Variants in OSMR observed in about 807,000 individuals in gnomAD.
The protein encoded by OSMR is oncostatin M receptor.
Under a neutral mutation model 99.9 loss-of-function variants are expected in OSMR, and 81 were observed. The observed-to-expected ratio is 0.81, with a 90% CI of 0.68 to 0.97. OSMR has a LOEUF of 0.97. OSMR is among the 50% of genes least tolerant of loss of function. The pLI is 0.00. For synonymous variants in OSMR, 406 were observed against 410.4 expected (o/e 0.99, Z 0.13); for missense variants, 1,099 against 1,153.4 (o/e 0.95, Z 0.68).
Position 38,881,621 on chromosome 5 carries a change from AC to A in OSMR, c.277del (p.Gln93ArgfsTer20), listed in dbSNP as rs1169997874. Reference protein sequence around the residue: ...VGNYSTTVKWNQVLHWSWESE... With the variant: ...VGNYSTTVKWXQVLHWSWESE... ...AATTACAGCACCACTGTGAAGTGGA[AC>A]CAGGTTCTGCATTGGAGCTGGGAAT... On this transcript the variant is annotated frameshift_variant, in exon 4 of 18. Coordinates refer to ENST00000274276, the MANE Select transcript of OSMR (RefSeq NM_003999.3). LOFTEE classifies it high-confidence loss of function. 6.2e-7 allele frequency: 1 copy of A among 1,614,124 alleles called. No individual in the cohort carries two copies.
chr5:38,886,519 G>C (rs188812947), intron 7 of OSMR: 1 of 279,066 alleles, frequency 3.6e-6, no homozygotes, highest in East Asian at 7.8e-5. Context: ...AATTGTGTGC[G>C]TGTGTATTCT....
At chr5:38,916,150 A>G (rs1745883620) in intron 9 of OSMR, among the ~76,000 whole-genome samples, 1 of 152,228 alleles carries the variant, frequency 6.6e-6, no homozygotes, top group Non-Finnish European at 1.5e-5. Context: ...GAAAAGATGT[A>G]CTCATCTTAA....
intron 3 of OSMR, among the ~76,000 whole-genome samples, chr5:38,877,817 T>C (rs1742957041): frequency 6.6e-6 from 1 of 152,220 alleles, no homozygotes; most frequent in African/African-American, 2.4e-5. Flanking sequence ...AAAAATAATA[T>C]TAGCCATACA....
chr5:38,942,761 C>A (rs1747731290), intron 1 of OSMR: 1 of 1,260,922 alleles, frequency 7.9e-7, no homozygotes. Context: ...CAGCTATAAT[C>A]TGTATTTTAA....
At chr5:38,939,350 T>C (rs1216641923), downstream of OSMR, 1 of 232,286 alleles carries the variant, frequency 4.3e-6, no homozygotes, top group Non-Finnish European at 8.5e-6. Flanking sequence ...ATTATGTTAA[T>C]AATGTATATA....
intron 13 of OSMR, 61 bp from the exon 14 acceptor site, chr5:38,924,361 T>G: frequency 1.2e-6 from 2 of 1,611,344 alleles, no homozygotes; most frequent in Non-Finnish European, 1.7e-6. Context: ...TTAGTTGACA[T>G]GAATATTCTG....
intron 1 of OSMR, among the ~76,000 whole-genome samples, chr5:38,850,762 C>G (rs534168221): frequency 6.6e-6 from 1 of 152,298 alleles, no homozygotes; most frequent in Admixed American, 6.5e-5. Context: ...GTTACGCTTT[C>G]TTGTGAGTAA....
chr5:38,872,112 G>A (rs1396885099), intron 2 of OSMR, among the ~76,000 whole-genome samples: 5 of 152,056 alleles, frequency 3.3e-5, no homozygotes, highest in Non-Finnish European at 5.9e-5. Context: ...CAATTTCCTC[G>A]TCTGAAAAAT....
Position 38,881,629 on chromosome 5 carries a change from C to T in OSMR, c.283C>T (p.Leu95=), listed in dbSNP as rs768776188. ...CACCACTGTGAAGTGGAACCAGGTT[C>T]TGCATTGGAGCTGGGAATCTGAGCT... ...YSTTVKWNQV[L]HWSWESELPL... is the part of the protein sequence containing the mutation. Residue 95 remains leucine, a synonymous_variant, in exon 4 of 18, where the codon CTG becomes TTG. Transcript: ENST00000274276. The T allele has an allele frequency of 3.7e-6, 6 of 1,613,994 alleles. No homozygotes were observed. Among genetic ancestry groups the T allele is most frequent in the African/African-American group, 1.3e-5 (1 of 74,920 alleles).
downstream of OSMR, chr5:38,945,198 CA>C (rs1748056977): frequency 5.6e-6 from 4 of 719,600 alleles, no homozygotes; most frequent in Middle Eastern, 1.1e-3. Context: ...CAAACACTTC[CA>C]AAACTTTTTT....
intron 2 of OSMR, among the ~76,000 whole-genome samples, chr5:38,870,524 A>G (rs1026386304): frequency 2.6e-5 from 4 of 151,882 alleles, no homozygotes; most frequent in African/African-American, 9.7e-5. Context: ...AAACAGACCC[A>G]CTGCCCCACC....
chr5:38,886,055 A>C lies in OSMR; in HGVS notation c.856A>C (p.Lys286Gln). 6.2e-7 allele frequency: 1 copy of C among 1,613,618 alleles called. No individual in the cohort carries two copies. Among genetic ancestry groups the C allele is most frequent in the Non-Finnish European group, 8.5e-7 (1 of 1,179,894 alleles). The change falls in exon 7 of 18, where the codon AAA (lysine) becomes CAA (glutamine). Residue 286 changes from lysine (K) to glutamine (Q), a missense_variant. By Grantham distance (53) the Lys-to-Gln change is moderately conservative (BLOSUM62 1). Coordinates refer to ENST00000274276, the MANE Select transcript of OSMR (RefSeq NM_003999.3). Reference sequence around the variant, plus strand: ...TTTTTAAAGATTTTCTGGGGAAAAGAAACTTTGTACACACAAAAACTGGTG... The same window carrying C: ...TTTTTAAAGATTTTCTGGGGAAAAGCAACTTTGTACACACAAAAACTGGTG... ...TLFESFSGEK[K>Q]LCTHKNWCNW... is the part of the protein sequence containing the mutation.
intron 1 of OSMR, 60 bp from the exon 2 acceptor site, chr5:38,868,972 G>C: frequency 6.3e-7 from 1 of 1,583,712 alleles, no homozygotes; most frequent in South Asian, 1.1e-5. Flanking sequence ...TTGGCTCGAA[G>C]AAATTTGCCA....
intron 2 of OSMR, chr5:38,944,704 C>G: frequency 1.1e-6 from 1 of 907,572 alleles, no homozygotes; most frequent in South Asian, 1.7e-5. Flanking sequence ...ATTTTGGGAG[C>G]AAAACTCTAA....
chr5:38,877,946 ATCT>A (rs1742970812), intron 3 of OSMR, among the ~76,000 whole-genome samples: 1 of 152,116 alleles, frequency 6.6e-6, no homozygotes, highest in South Asian at 2.1e-4. Context: ...TATTTCTGTA[ATCT>A]TCTAGGGCTC....
intron 9 of OSMR, among the ~76,000 whole-genome samples, chr5:38,908,788 A>T (rs1745399633): frequency 6.6e-6 from 1 of 152,228 alleles, no homozygotes; most frequent in Non-Finnish European, 1.5e-5. Flanking sequence ...AAGGACAGCA[A>T]CTTCAAAGAC....
chr5:38,921,887 GCT>G, intron 12 of OSMR, 93 bp downstream of exon 12: 2 of 1,077,116 alleles, frequency 1.9e-6, no homozygotes, highest in Non-Finnish European at 2.9e-6. Flanking sequence ...CTTTGACTGT[GCT>G]AAGCTAGTAA....
chr5:38,873,962 A>T (rs1309465825), intron 2 of OSMR, among the ~76,000 whole-genome samples: 4 of 152,164 alleles, frequency 2.6e-5, no homozygotes, highest in African/African-American at 9.6e-5. Context: ...CCTCTTGAGT[A>T]GCTGAGACTA....
chr5:38,868,691 A>C (rs1010215358), intron 1 of OSMR, among the ~76,000 whole-genome samples: 1 of 152,184 alleles, frequency 6.6e-6, no homozygotes, highest in Non-Finnish European at 1.5e-5. Flanking sequence ...ATATGTCTTT[A>C]TCAGCAGTGT....
Sources: gnomAD v4.1 joint callset for allele counts (sites outside exome capture counted in the v4.1 genomes callset) on GRCh38, gnomAD v4.1.1 for gene constraint, MANE v1.5 for transcripts, NCBI Gene and HGNC (gene_info 2026-07-23, HGNC 2026-07-21) for gene names.